The following APOBEC1 variants were observed in gnomAD, a reference collection of about 807,000 sequenced individuals.
The protein encoded by APOBEC1 is C->U-editing enzyme APOBEC-1.
APOBEC1 carries 22 observed loss-of-function variants against 26.3 expected under a neutral mutation model. That is an observed-to-expected ratio of 0.84 (90% confidence interval 0.60 to 1.19). The LOEUF is 1.19. APOBEC1 is among the 50% of genes most tolerant of loss of function. The probability of loss-of-function intolerance (pLI) is 0.00; values close to 1 mark genes in which losing one functional copy is unlikely to be tolerated. For synonymous variants in APOBEC1, 77 were observed against 95.3 expected (o/e 0.81, Z 1.12); for missense variants, 253 against 289.0 (o/e 0.88, Z 0.90).
intron 1 of APOBEC1, among the ~76,000 whole-genome samples, chr12:7,657,390 A>G (rs774529667): frequency 2.6e-5 from 4 of 152,186 alleles, no homozygotes; most frequent in Non-Finnish European, 5.9e-5. Context: ...TGGATTGCAC[A>G]CTTTCTGACG....
chr12:7,665,812 T>C, intron 1 of APOBEC1, 45 bp downstream of exon 1: 1 of 1,424,302 alleles, frequency 7.0e-7, no homozygotes, highest in Non-Finnish European at 9.6e-7. Context: ...CACACCATTC[T>C]TGCATTGTTC....
intron 1 of APOBEC1, among the ~76,000 whole-genome samples, chr12:7,656,982 T>C (rs767832357): frequency 3.5e-4 from 54 of 152,180 alleles, no homozygotes; most frequent in African/African-American, 1.1e-3. Flanking sequence ...ATGCATATGC[T>C]TATGGATTTT....
chr12:7,659,408 G>T (rs976609884), intron 1 of APOBEC1, among the ~76,000 whole-genome samples: 2 of 125,578 alleles, frequency 1.6e-5, no homozygotes, highest in East Asian at 4.7e-4. Flanking sequence ...AGGAACTACC[G>T]GCAACCTGGA....
chr12:7,669,550 C>T (rs1307000807), upstream of APOBEC1, among the ~76,000 whole-genome samples: 5 of 151,940 alleles, frequency 3.3e-5, no homozygotes, highest in South Asian at 4.2e-4. Context: ...GGTAAATGCA[C>T]ATTTAACTCT....
chr12:7,649,749 A>G (rs1431680317), intron 4 of APOBEC1, 53 bp from the exon 5 acceptor site: 5 of 1,258,504 alleles, frequency 4.0e-6, no homozygotes, highest in Non-Finnish European at 5.6e-6. Flanking sequence ...TTTAATTAAT[A>G]ATATTATCAC....
At chr12:7,667,805 C>T (rs765556130), upstream of APOBEC1, among the ~76,000 whole-genome samples, 8 of 150,934 alleles carry the variant, frequency 5.3e-5, no homozygotes, top group South Asian at 1.1e-3. Context: ...CCCAGCTTCT[C>T]GGAAGGCTGA....
chr12:7,657,686 A>G (rs1863735486), intron 1 of APOBEC1, among the ~76,000 whole-genome samples: 1 of 152,114 alleles, frequency 6.6e-6, no homozygotes, highest in Non-Finnish European at 1.5e-5. Context: ...CAGCCTGGGT[A>G]AAATGGGGAA....
chr12:7,656,074 A>T (rs1440607543), intron 1 of APOBEC1, among the ~76,000 whole-genome samples: 2 of 151,982 alleles, frequency 1.3e-5, no homozygotes, highest in Non-Finnish European at 2.9e-5. Flanking sequence ...TGAGCTCAAG[A>T]GATCCTCCTG....
At chr12:7,670,132 T>C (rs753844903), upstream of APOBEC1, among the ~76,000 whole-genome samples, 4 of 137,840 alleles carry the variant, frequency 2.9e-5, 1 homozygote, top group South Asian at 5.0e-4. Flanking sequence ...TACAGGCGTG[T>C]GCCACCATGC....
chr12:7,665,471 T>C (rs1025519372), intron 1 of APOBEC1, among the ~76,000 whole-genome samples: 1 of 151,954 alleles, frequency 6.6e-6, no homozygotes, highest in South Asian at 2.1e-4. Flanking sequence ...CTAATTTTTG[T>C]ATTTTTAGTA....
chr12:7,655,721 G>A (rs61937006), intron 1 of APOBEC1, among the ~76,000 whole-genome samples: 1,648 of 152,150 alleles, frequency 0.011, 13 homozygotes, highest in South Asian at 0.022. Flanking sequence ...GAGTGCAGTG[G>A]CTTATACCTA....
chr12:7,649,762 C>A, intron 4 of APOBEC1, 66 bp from the exon 5 acceptor site: 2 of 1,167,168 alleles, frequency 1.7e-6, no homozygotes, highest in Non-Finnish European at 2.4e-6. Flanking sequence ...ATTATCACCA[C>A]AAACATTTAA....
intron 1 of APOBEC1, among the ~76,000 whole-genome samples, chr12:7,655,399 C>T (rs1015122783): frequency 6.6e-6 from 1 of 151,860 alleles, no homozygotes; most frequent in Non-Finnish European, 1.5e-5. Flanking sequence ...CCTGTAATCC[C>T]AGCTACTTGG....
At position 7,654,635 on chromosome 12, in the gene APOBEC1, G is replaced by A. The variant is rs1565440481; in HGVS notation, c.17-3C>T. On this transcript the variant is annotated splice_polypyrimidine_tract_variant and splice_region_variant and intron_variant, in intron 1 of 4. Coordinates refer to ENST00000229304, the MANE Select transcript of APOBEC1 (RefSeq NM_001644.5). Reference sequence around the variant, plus strand: ...AGTGGGGTCACCGGTTGAAGGACCTGTTGACCAAGATATGATTATGTCAAA... The same window carrying A: ...AGTGGGGTCACCGGTTGAAGGACCTATTGACCAAGATATGATTATGTCAAA... 1.2e-6 allele frequency: 2 copies of A among 1,613,682 alleles called. No individual in the cohort carries two copies.
chr12:7,652,376 A>G, intron 3 of APOBEC1, 62 bp downstream of exon 3: 1 of 1,475,800 alleles, frequency 6.8e-7, no homozygotes, highest in Non-Finnish European at 9.1e-7. Context: ...TCTGGCCTAA[A>G]AACAGCTACT....
intron 1 of APOBEC1, 72 bp downstream of exon 1, chr12:7,665,785 A>T: frequency 7.5e-7 from 1 of 1,328,288 alleles, no homozygotes. Flanking sequence ...ACACACACAC[A>T]CACACACACA....
In APOBEC1 at chr12:7,652,722, C is replaced by A. The variant is rs1308441880; in HGVS notation, c.158G>T (p.Ser53Ile). The A allele has an allele frequency of 6.2e-7, 1 of 1,614,062 alleles. No homozygotes were observed. The highest frequency in any genetic ancestry group is 1.7e-5 in the Admixed American group (1 of 60,014). ...GTGATTGGTGGTGTTTTTGCCTGAG[C>A]TTCGCCAGATCTTCCGGCTCATGCC... ...KWGMSRKIWR[S>I]SGKNTTNHVE... Residue 53 changes from serine to isoleucine, a missense_variant, in exon 3 of 5, where the codon AGC becomes ATC. Coordinates refer to ENST00000229304, the MANE Select transcript of APOBEC1 (RefSeq NM_001644.5).
At chr12:7,655,294 T>C (rs1324541439) in intron 1 of APOBEC1, among the ~76,000 whole-genome samples, 2 of 152,084 alleles carry the variant, frequency 1.3e-5, no homozygotes, top group South Asian at 2.1e-4. Flanking sequence ...GCAGATCATC[T>C]GAGGTCGGGA....
At chr12:7,667,506 T>C (rs1863908697), upstream of APOBEC1, among the ~76,000 whole-genome samples, 1 of 152,150 alleles carries the variant, frequency 6.6e-6, no homozygotes, top group Admixed American at 6.5e-5. Context: ...AAGCAGGTGT[T>C]TCGACAGGGG....
Sources: gnomAD v4.1 joint callset for allele counts (sites outside exome capture counted in the v4.1 genomes callset) on GRCh38, gnomAD v4.1.1 for gene constraint, MANE v1.5 for transcripts, NCBI Gene and HGNC (gene_info 2026-07-23, HGNC 2026-07-21) for gene names.